The following DGKI variants were observed in gnomAD, a reference collection of about 807,000 sequenced individuals.
DGKI encodes the protein DAG kinase iota.
A neutral mutation model predicts 147.5 loss-of-function variants in DGKI; 55 were observed. The ratio of observed to expected loss-of-function variants is 0.37; its 90% confidence interval spans 0.30 to 0.47. The LOEUF (loss-of-function observed/expected upper bound fraction) is 0.47, where lower values mean the gene tolerates loss of function less well. Ranked by LOEUF, DGKI falls within the 20% of genes least tolerant of loss-of-function variation. The probability of loss-of-function intolerance (pLI) is 1.00; values close to 1 mark genes in which losing one functional copy is unlikely to be tolerated. For missense variants in DGKI, 1,007 were observed against 1,323.8 expected (o/e 0.76, Z 3.71); for synonymous variants, 469 against 477.1 (o/e 0.98, Z 0.22).
Position 137,499,969 on chromosome 7 carries a change from C to T in DGKI, c.2249-12280G>A, listed in dbSNP as rs547644840. Among the ~76,000 whole-genome samples the T allele has an allele frequency of 4.6e-5, 7 of 152,218 alleles. No homozygotes were observed. In the South Asian group the frequency reaches 6.2e-4, roughly 14 times the overall value. ...GAGCCCACACCAGACCCAACCATGCCGGCATCCTGAGCTTGGACTTCCTGC... is the reference window on the plus strand; with the variant it reads ...GAGCCCACACCAGACCCAACCATGCTGGCATCCTGAGCTTGGACTTCCTGC... On this transcript the variant is annotated intron_variant, in intron 21 of 32. Coordinates refer to ENST00000614521, the MANE Select transcript of DGKI (RefSeq NM_001321708.2).
At chr7:137,654,940 T>C in intron 4 of DGKI, 152 bp from the exon 5 acceptor site, 1 of 571,562 alleles carries the variant, frequency 1.7e-6, no homozygotes, top group South Asian at 2.5e-5. Context: ...TCTTTTGAAA[T>C]CATCACATTA....
chr7:137,648,808 T>G (rs527849856), intron 5 of DGKI, among the ~76,000 whole-genome samples: 4 of 152,314 alleles, frequency 2.6e-5, no homozygotes, highest in African/African-American at 9.6e-5. Flanking sequence ...GGTAAGCAGA[T>G]GTAGAATATC....
chr7:137,543,547 A>G (rs779193227), intron 20 of DGKI, among the ~76,000 whole-genome samples: 1 of 150,304 alleles, frequency 6.7e-6, no homozygotes, highest in Non-Finnish European at 1.5e-5. Flanking sequence ...GCTAGAGAGA[A>G]AAAAAAAGAT....
chr7:137,768,521 A>G (rs1796084456), intron 1 of DGKI, among the ~76,000 whole-genome samples: 1 of 152,212 alleles, frequency 6.6e-6, no homozygotes, highest in Admixed American at 6.5e-5. Context: ...CTAAGCACCA[A>G]TTCTGAGCAA....
intron 1 of DGKI, among the ~76,000 whole-genome samples, chr7:137,735,543 G>A (rs1449101459): frequency 6.6e-6 from 1 of 151,818 alleles, no homozygotes; most frequent in Non-Finnish European, 1.5e-5. Context: ...AGGTAGACGG[G>A]TTTTTTCTTT....
chr7:137,711,588 G>A (rs1242388985), intron 1 of DGKI, among the ~76,000 whole-genome samples: 1 of 151,958 alleles, frequency 6.6e-6, no homozygotes, highest in Non-Finnish European at 1.5e-5. Flanking sequence ...GGAACAGAGG[G>A]GAAGAGCACA....
intron 22 of DGKI, among the ~76,000 whole-genome samples, chr7:137,485,949 A>G (rs1454600306): frequency 1.3e-5 from 2 of 152,110 alleles, no homozygotes; most frequent in Admixed American, 1.3e-4. Flanking sequence ...ACAAAGTGCA[A>G]ATTAACAGGG....
At chr7:137,398,243 A>G (rs1811624934) in intron 30 of DGKI, among the ~76,000 whole-genome samples, 1 of 152,138 alleles carries the variant, frequency 6.6e-6, no homozygotes, top group African/African-American at 2.4e-5. Flanking sequence ...CCAAGTTGGG[A>G]CCACCCCAGG....
At chr7:137,450,479 G>A (rs1563026027) in intron 27 of DGKI, among the ~76,000 whole-genome samples, 1 of 152,114 alleles carries the variant, frequency 6.6e-6, no homozygotes, top group African/African-American at 2.4e-5. Context: ...AGCACTTTGG[G>A]AGGCCAAGGC....
chr7:137,603,971 T>G (rs929587819), intron 10 of DGKI, among the ~76,000 whole-genome samples: 2 of 152,164 alleles, frequency 1.3e-5, no homozygotes, highest in African/African-American at 4.8e-5. Flanking sequence ...ATTAAGAGAT[T>G]CAGACCAGCT....
At chr7:137,835,764 G>A (rs1322152366) in intron 1 of DGKI, among the ~76,000 whole-genome samples, 2 of 152,194 alleles carry the variant, frequency 1.3e-5, no homozygotes, top group Non-Finnish European at 2.9e-5. Context: ...AAACCAGTGA[G>A]ATTAATTCAA....
intron 12 of DGKI, among the ~76,000 whole-genome samples, chr7:137,589,732 TG>T (rs1317677781): frequency 1.3e-5 from 2 of 152,150 alleles, no homozygotes; most frequent in Admixed American, 6.5e-5. Flanking sequence ...ACAACAGCCC[TG>T]AATAGAGCCA....
intron 19 of DGKI, among the ~76,000 whole-genome samples, chr7:137,557,015 G>T (rs1419807321): frequency 6.8e-6 from 1 of 147,150 alleles, no homozygotes; most frequent in Non-Finnish European, 1.5e-5. Flanking sequence ...AGAACAGGAA[G>T]AATTTGACCT....
intron 14 of DGKI, among the ~76,000 whole-genome samples, chr7:137,584,497 A>G (rs1025385646): frequency 6.6e-6 from 1 of 152,230 alleles, no homozygotes; most frequent in Non-Finnish European, 1.5e-5. Flanking sequence ...AAAAGAAAAC[A>G]TAAAGTCTGG....
intron 1 of DGKI, among the ~76,000 whole-genome samples, chr7:137,801,262 T>C (rs1797195207): frequency 6.6e-6 from 1 of 152,122 alleles, no homozygotes; most frequent in Non-Finnish European, 1.5e-5. Flanking sequence ...AGGTCAAATA[T>C]TATACTTTCT....
chr7:137,761,335 T>C (rs571390390), intron 1 of DGKI, among the ~76,000 whole-genome samples: 1 of 152,364 alleles, frequency 6.6e-6, no homozygotes, highest in East Asian at 1.9e-4. Context: ...CTGGCATTTA[T>C]CAACTTTGTG....
chr7:137,756,126 A>G (rs1438619155), intron 1 of DGKI, among the ~76,000 whole-genome samples: 2 of 152,212 alleles, frequency 1.3e-5, no homozygotes, highest in Non-Finnish European at 2.9e-5. Flanking sequence ...TACATACATC[A>G]CCAATAAACC....
intron 12 of DGKI, among the ~76,000 whole-genome samples, chr7:137,594,009 C>G (rs1431474495): frequency 6.6e-6 from 1 of 152,134 alleles, no homozygotes; most frequent in African/African-American, 2.4e-5. Context: ...ACCTCCACTT[C>G]CAAGTGCATT....
chr7:137,619,703 G>A (rs1820672788), intron 8 of DGKI, 121 bp downstream of exon 8: 1 of 736,522 alleles, frequency 1.4e-6, no homozygotes, highest in Non-Finnish European at 2.4e-6. Context: ...TAAGCACAGG[G>A]CCTTGGGGAT....
Sources: gnomAD v4.1 joint callset for allele counts (sites outside exome capture counted in the v4.1 genomes callset) on GRCh38, gnomAD v4.1.1 for gene constraint, MANE v1.5 for transcripts, NCBI Gene and HGNC (gene_info 2026-07-23, HGNC 2026-07-21) for gene names.